BDP1: variants seen among roughly 807,000 people sequenced by gnomAD.
BDP1 encodes the protein BDP1 general transcription factor IIIB subunit, also known as transcription factor TFIIIB component B'' homolog.
BDP1 carries 169 observed loss-of-function variants against 266.6 expected under a neutral mutation model. The observed-to-expected ratio is 0.63, with a 90% CI of 0.56 to 0.72. The LOEUF (loss-of-function observed/expected upper bound fraction) is 0.72, where lower values mean the gene tolerates loss of function less well. Among genes scored for constraint, BDP1 ranks in the 30% least tolerant of loss-of-function variants. The pLI is 0.00. For missense variants in BDP1, 3,015 were observed against 3,053.8 expected (o/e 0.99, Z 0.30); for synonymous variants, 1,090 against 1,022.4 (o/e 1.07, Z -1.26).
At chr5:71,501,740 G>A in intron 14 of BDP1, 87 bp downstream of exon 14, 1 of 815,786 alleles carries the variant, frequency 1.2e-6, no homozygotes, top group South Asian at 1.7e-5. Context: ...ACTTAATAAG[G>A]TCTGAATTTA....
intron 26 of BDP1, chr5:71,537,639 G>A (rs1469591362): frequency 6.2e-6 from 1 of 161,278 alleles, no homozygotes; most frequent in East Asian, 1.9e-4. Context: ...CTGATTTCTT[G>A]GTTAGCCACT....
intron 2 of BDP1, among the ~76,000 whole-genome samples, chr5:71,460,272 C>T (rs148219325): frequency 3.3e-5 from 5 of 152,152 alleles, no homozygotes; most frequent in Non-Finnish European, 7.4e-5. Context: ...CCCAGCTACT[C>T]AGGAGGCTGA....
At chr5:71,560,918 A>G (rs896910432) in intron 37 of BDP1, among the ~76,000 whole-genome samples, 6 of 152,238 alleles carry the variant, frequency 3.9e-5, no homozygotes, top group Non-Finnish European at 7.3e-5. Context: ...GGTAAAGCTC[A>G]GTGGTATCTC....
rs370261571 is a variant in BDP1, at chr5:71,461,958, C to CT, written c.599+53dup. On this transcript the variant is annotated intron_variant, in intron 3 of 38. Coordinates refer to ENST00000358731, the MANE Select transcript of BDP1 (RefSeq NM_018429.3). ...AAAATTTATTTCTGCTTTACTATCT[C>CT]TTTTTTTTTTTTTTTTTTTTTGGAG... 0.36 allele frequency: 156,602 copies of CT among 437,134 alleles called. 25,822 individuals are homozygous for CT. The highest frequency in any genetic ancestry group is 0.41 in the Admixed American group (9,662 of 23,526). 27.1% of individuals were successfully genotyped at this position (437,134 alleles called of 1,614,324 possible). A position where few individuals can be genotyped will look rare whatever the true frequency, so the allele number is the denominator to read the frequency against.
intron 35 of BDP1, among the ~76,000 whole-genome samples, chr5:71,555,899 G>A (rs1474200571): frequency 6.6e-6 from 1 of 151,918 alleles, no homozygotes; most frequent in African/African-American, 2.4e-5. Context: ...CTTTAAAAAA[G>A]AGTTCTATTG....
the BDP1 span, among the ~76,000 whole-genome samples, chr5:71,575,397 G>C: frequency 2.5e-3 from 380 of 152,280 alleles, 2 homozygotes; most frequent in African/African-American, 8.2e-3. Flanking sequence ...GCTATCTTGG[G>C]AGAAGCTGAC....
In BDP1 at chr5:71,541,518, TAA is replaced by T; in HGVS notation, c.6088_6089del (p.Asn2030CysfsTer8). On this transcript the variant is annotated frameshift_variant, in exon 29 of 39. Transcript: ENST00000358731. LOFTEE classifies it high-confidence loss of function. ...AAAGCCATATTCCTTCTAGCCTAGA[TAA>T]TGTAAATCACAAAATTGTTCATGAA... is the stretch of plus-strand genomic sequence containing the variant. Reference protein sequence around the residue: ...DKSHIPSSLDNVNHKIVHECQ... With the variant: ...DKSHIPSSLDXVNHKIVHECQ... 2 of 1,610,390 alleles carry T rather than the reference TAA, an allele frequency of 1.2e-6. No homozygotes were observed. The highest frequency in any genetic ancestry group is 2.2e-5 in the East Asian group (1 of 44,694).
chr5:71,574,295 C>T, the BDP1 span, among the ~76,000 whole-genome samples: 2 of 152,188 alleles, frequency 1.3e-5, no homozygotes. Flanking sequence ...ACTTTGTCCT[C>T]GCTGTAACAA....
rs1235915120 is a variant in BDP1 at position 71,565,111 on chromosome 5, A to T, written c.*226A>T. ...ATTTTGCAAATAGCAAGCAATTAAG[A>T]CTGCTTTCTCAGACAGAAATAACAA... On this transcript the variant is annotated 3_prime_UTR_variant, in exon 39 of 39. Coordinates refer to ENST00000358731, the MANE Select transcript of BDP1 (RefSeq NM_018429.3). 1.9e-5 allele frequency: 9 copies of T among 463,928 alleles called. No individual in the cohort carries two copies. The Admixed American group carries it at 3.2e-4, about 16-fold the overall frequency. The allele number at this position is 463,928 out of a possible 1,614,324, so 28.7% of individuals were successfully genotyped here.
intron 4 of BDP1, among the ~76,000 whole-genome samples, chr5:71,465,564 G>A (rs1402141605): frequency 6.6e-6 from 1 of 152,112 alleles, no homozygotes; most frequent in Non-Finnish European, 1.5e-5. Flanking sequence ...TGTCCTGTCT[G>A]TTTCTCTTTA....
In BDP1 at chr5:71,544,879, C is replaced by CAA. The variant is rs141573220; in HGVS notation, c.6564-134_6564-133dup. Among the ~76,000 whole-genome samples the CAA allele has an allele frequency of 5.7e-3, 162 of 28,510 alleles. 21 individuals are homozygous for CAA. Among genetic ancestry groups the CAA allele is most frequent in the African/African-American group, 0.02 (146 of 7,124 alleles). 18.7% of individuals were successfully genotyped at this position (28,510 alleles called of 152,430 possible). A position where few individuals can be genotyped will look rare whatever the true frequency, so the allele number is the denominator to read the frequency against. ...TGGGCGACAGAGTGAGACTCTGTCTCAAAAAAAAAAAAAAAAAAAAAAAAA... is the reference window on the plus strand; with the variant it reads ...TGGGCGACAGAGTGAGACTCTGTCTCAAAAAAAAAAAAAAAAAAAAAAAAAAA... On this transcript the variant is annotated intron_variant, in intron 31 of 38. Transcript: ENST00000358731.
chr5:71,531,314 C>G (rs1301126069), intron 25 of BDP1, among the ~76,000 whole-genome samples: 1 of 152,170 alleles, frequency 6.6e-6, no homozygotes, highest in African/African-American at 2.4e-5. Flanking sequence ...TGTATGTATT[C>G]TAGTAGGTAA....
At position 71,517,387 on chromosome 5, in the gene BDP1, T is replaced by TCA; in HGVS notation, c.4926_4927insCA (p.Glu1643GlnfsTer10). 6.2e-7 allele frequency: 1 copy of TCA among 1,605,680 alleles called. No individual in the cohort carries two copies. Among genetic ancestry groups the TCA allele is most frequent in the Admixed American group, 1.7e-5 (1 of 57,426 alleles). On this transcript the variant is annotated frameshift_variant, in exon 22 of 39. Transcript: ENST00000358731. LOFTEE classifies it high-confidence loss of function. ...CCGCAGTTCCAGAACACAGAATGTA[T>TCA]GAAAATCAAAGTCAGGTGGTTCTTG...
Position 71,564,943 on chromosome 5 carries a change from C to A in BDP1, c.*58C>A. ...GGTCTAGGATTTCCAGAGTCAATTACATCAACAAAACAGTATTTAGAGCAA... is the reference window on the plus strand; with the variant it reads ...GGTCTAGGATTTCCAGAGTCAATTAAATCAACAAAACAGTATTTAGAGCAA... On this transcript the variant is annotated 3_prime_UTR_variant, in exon 39 of 39. Coordinates refer to ENST00000358731, the MANE Select transcript of BDP1 (RefSeq NM_018429.3). 6.7e-7 allele frequency: 1 copy of A among 1,481,764 alleles called. No individual in the cohort carries two copies. Among genetic ancestry groups the A allele is most frequent in the Non-Finnish European group, 9.1e-7 (1 of 1,094,214 alleles). The allele number at this position is 1,481,764 out of a possible 1,614,324, so 91.8% of individuals were successfully genotyped here. A position where few individuals can be genotyped will look rare whatever the true frequency, so the allele number is the denominator to read the frequency against.
chr5:71,527,627 T>TTG (rs1289532552), intron 25 of BDP1, among the ~76,000 whole-genome samples: 3 of 152,222 alleles, frequency 2.0e-5, no homozygotes, highest in Admixed American at 1.3e-4. Context: ...TAATATTCCA[T>TTG]TGTGTGTGTG....
At position 71,538,435 on chromosome 5, in the gene BDP1, CAT is replaced by C. The variant is rs139659147; in HGVS notation, c.5893-605_5893-604del. Among the ~76,000 whole-genome samples, 802 of 152,282 alleles carry C rather than the reference CAT, an allele frequency of 5.3e-3. 16 individuals are homozygous for C. The highest frequency in any genetic ancestry group is 0.027 in the East Asian group (141 of 5,178). ...AGAGAGAAAGAGCAGTGTTAGTTCACATAGACTCTCACCTTTGTTAGCAAATT... is the reference window on the plus strand; with the variant it reads ...AGAGAGAAAGAGCAGTGTTAGTTCACAGACTCTCACCTTTGTTAGCAAATT... On this transcript the variant is annotated intron_variant, in intron 26 of 38. Coordinates refer to ENST00000358731, the MANE Select transcript of BDP1 (RefSeq NM_018429.3).
intron 6 of BDP1, among the ~76,000 whole-genome samples, chr5:71,469,652 C>T (rs1335386915): frequency 1.3e-5 from 2 of 151,848 alleles, no homozygotes; most frequent in Non-Finnish European, 1.5e-5. Flanking sequence ...CTCGCTCTTT[C>T]GCCCAGGCTG....
intron 25 of BDP1, among the ~76,000 whole-genome samples, chr5:71,525,396 C>A (rs1765751122): frequency 8.1e-6 from 1 of 124,066 alleles, no homozygotes; most frequent in South Asian, 2.9e-4. Flanking sequence ...GGGGGGCTGA[C>A]CCCCCCACCT....
chr5:71,569,780 G>T (rs1201851117), downstream of BDP1, among the ~76,000 whole-genome samples: 2 of 152,148 alleles, frequency 1.3e-5, no homozygotes, highest in Non-Finnish European at 2.9e-5. Flanking sequence ...CGCAGTGCCT[G>T]GGGGTGGGCG....
Sources: allele counts gnomAD v4.1 joint callset (sites outside exome capture counted in the v4.1 genomes callset), GRCh38; gene constraint gnomAD v4.1.1; transcripts MANE v1.5; gene names NCBI Gene and HGNC (gene_info 2026-07-23, HGNC 2026-07-21).